The following MAML2 variants were observed in gnomAD, a reference collection of about 807,000 sequenced individuals.
The protein encoded by MAML2 is mastermind like transcriptional coactivator 2, also known as mastermind-like protein 2.
In MAML2, 22 loss-of-function variants were observed where a neutral mutation model predicts 96.1. The ratio of observed to expected loss-of-function variants is 0.23; its 90% confidence interval spans 0.16 to 0.33. MAML2 has a LOEUF of 0.33. Ranked by LOEUF, MAML2 falls within the 10% of genes least tolerant of loss-of-function variation. MAML2 has a pLI of 1.00. For synonymous variants in MAML2, 561 were observed against 521.3 expected (o/e 1.08, Z -1.04); for missense variants, 1,367 against 1,392.4 (o/e 0.98, Z 0.29).
chr11:96,021,417 A>G (rs1029819953), intron 2 of MAML2, among the ~76,000 whole-genome samples: 1 of 152,204 alleles, frequency 6.6e-6, no homozygotes, highest in African/African-American at 2.4e-5. Flanking sequence ...ACCCCAGCAG[A>G]TGAAAGCCTC....
intron 2 of MAML2, 141 bp from the exon 3 acceptor site, chr11:95,991,864 A>G (rs1857919609): frequency 4.5e-6 from 3 of 672,484 alleles, no homozygotes; most frequent in East Asian, 2.7e-5. Context: ...AGATCAGAGA[A>G]TCGCTTTTTA....
Position 96,147,890 on chromosome 11 carries a change from A to G in MAML2, c.514-54373T>C, listed in dbSNP as rs1423770233. ...AGGGGGATTGTTTTTGCCACAGGAC[A>G]TAGAAAAGAATGGTCTGATGCATGC... On this transcript the variant is annotated intron_variant, in intron 1 of 4. Transcript: ENST00000524717. Among the ~76,000 whole-genome samples the G allele has an allele frequency of 2.6e-5, 4 of 152,230 alleles. No homozygotes were observed. In the East Asian group the frequency reaches 7.7e-4, roughly 29 times the overall value.
intron 1 of MAML2, among the ~76,000 whole-genome samples, chr11:96,122,497 GGT>G (rs67940033): frequency 0.24 from 32,912 of 135,542 alleles, 3,640 homozygotes; most frequent in Middle Eastern, 0.35. Context: ...TTTTAGGCTG[GGT>G]GTGTGTGTGT....
At chr11:96,049,853 A>G (rs1430740396) in intron 2 of MAML2, among the ~76,000 whole-genome samples, 2 of 152,344 alleles carry the variant, frequency 1.3e-5, no homozygotes, top group East Asian at 3.9e-4. Flanking sequence ...TTGGGAGTTT[A>G]GTGGTTCTCA....
chr11:95,997,806 G>A (rs1858016015), intron 2 of MAML2, among the ~76,000 whole-genome samples: 2 of 152,122 alleles, frequency 1.3e-5, no homozygotes, highest in South Asian at 4.1e-4. Context: ...CTTTGGCCTT[G>A]TCATTAGAAA....
intron 1 of MAML2, among the ~76,000 whole-genome samples, chr11:96,311,068 C>G (rs1863536541): frequency 6.6e-6 from 1 of 152,212 alleles, no homozygotes; most frequent in African/African-American, 2.4e-5. Context: ...GTTATCACCC[C>G]ATTTCATACA....
chr11:96,281,678 T>G (rs1863069050), intron 1 of MAML2, among the ~76,000 whole-genome samples: 2 of 151,998 alleles, frequency 1.3e-5, no homozygotes, highest in Admixed American at 1.3e-4. Context: ...CTGATCAGTA[T>G]GGGCAACATG....
At chr11:95,998,858 A>G (rs1459813935) in intron 2 of MAML2, among the ~76,000 whole-genome samples, 1 of 152,226 alleles carries the variant, frequency 6.6e-6, no homozygotes, top group South Asian at 2.1e-4. Flanking sequence ...GCTTTCCCCA[A>G]TTTTTTACTT....
chr11:96,155,844 G>GC (rs1861003680), intron 1 of MAML2, among the ~76,000 whole-genome samples: 1 of 151,964 alleles, frequency 6.6e-6, no homozygotes, highest in African/African-American at 2.4e-5. Flanking sequence ...AATGGCTGTC[G>GC]CCTGATGTGT....
chr11:96,132,838 A>C (rs1860568205), intron 1 of MAML2, among the ~76,000 whole-genome samples: 1 of 152,152 alleles, frequency 6.6e-6, no homozygotes, highest in Admixed American at 6.5e-5. Flanking sequence ...TAAAAGTCCA[A>C]GTGGTATTTG....
At position 96,115,114 on chromosome 11, in the gene MAML2, GT is replaced by G. The variant is rs570024677; in HGVS notation, c.514-21598del. Among the ~76,000 whole-genome samples, 16 of 151,954 alleles carry G rather than the reference GT, an allele frequency of 1.1e-4. 1 individual carries two copies. The South Asian group carries it at 3.1e-3, about 30-fold the overall frequency. ...GATACAAGGTAGTGAGGTTTAAGGG[GT>G]ACATATTAAATGTTTGGTGCTGTGA... is the stretch of plus-strand genomic sequence containing the variant. On this transcript the variant is annotated intron_variant, in intron 1 of 4. Transcript: ENST00000524717.
intron 1 of MAML2, among the ~76,000 whole-genome samples, chr11:96,195,343 G>A (rs561042378): frequency 7.9e-5 from 12 of 152,298 alleles, no homozygotes; most frequent in African/African-American, 2.9e-4. Flanking sequence ...GCTTCAGTGT[G>A]GGGTAAGAAT....
At chr11:96,057,428 G>C (rs16922958) in intron 2 of MAML2, among the ~76,000 whole-genome samples, 26,252 of 151,972 alleles carry the variant, frequency 0.17, 2,425 homozygotes, top group East Asian at 0.3. Flanking sequence ...CATACATCCA[G>C]GCATCTATCC....
At chr11:96,173,063 A>G (rs1038563406) in intron 1 of MAML2, among the ~76,000 whole-genome samples, 3 of 152,140 alleles carry the variant, frequency 2.0e-5, no homozygotes, top group African/African-American at 7.2e-5. Flanking sequence ...GGCATTTACA[A>G]GCCATCTCTT....
intron 1 of MAML2, among the ~76,000 whole-genome samples, chr11:96,179,806 C>T (rs1415001836): frequency 1.3e-5 from 2 of 152,194 alleles, no homozygotes; most frequent in Non-Finnish European, 2.9e-5. Flanking sequence ...TCCCTTGATG[C>T]TCCATTCTCC....
At chr11:96,190,039 T>C (rs141013074) in intron 1 of MAML2, among the ~76,000 whole-genome samples, 254 of 152,356 alleles carry the variant, frequency 1.7e-3, no homozygotes, top group African/African-American at 6.0e-3. Flanking sequence ...GATTTCACAC[T>C]GAAAATTTGT....
intron 1 of MAML2, among the ~76,000 whole-genome samples, chr11:96,134,307 G>A (rs1022604965): frequency 1.3e-5 from 2 of 152,160 alleles, no homozygotes; most frequent in African/African-American, 4.8e-5. Context: ...TAAAGTTCCA[G>A]GTAAGCAGGC....
intron 1 of MAML2, among the ~76,000 whole-genome samples, chr11:96,164,160 G>A (rs1861156670): frequency 6.6e-6 from 1 of 152,098 alleles, no homozygotes; most frequent in Non-Finnish European, 1.5e-5. Flanking sequence ...ATAGGCATGA[G>A]CCACCGTGCC....
intron 1 of MAML2, among the ~76,000 whole-genome samples, chr11:96,215,055 T>A (rs185824886): frequency 6.6e-6 from 1 of 152,360 alleles, no homozygotes; most frequent in East Asian, 1.9e-4. Flanking sequence ...ATAAGAGATG[T>A]CTGTGTGTCC....
Sources: allele counts gnomAD v4.1 joint callset (sites outside exome capture counted in the v4.1 genomes callset), GRCh38; gene constraint gnomAD v4.1.1; transcripts MANE v1.5; gene names NCBI Gene and HGNC (gene_info 2026-07-23, HGNC 2026-07-21).